The following MYO15B variants were observed in gnomAD, a reference collection of about 807,000 sequenced individuals.
MYO15B encodes the protein myosin XVB pseudogene.
Under a neutral mutation model 119.3 loss-of-function variants are expected in MYO15B, and 207 were observed. The observed-to-expected ratio is 1.73, with a 90% CI of 1.55 to 1.95. MYO15B has a LOEUF of 1.95. MYO15B is among the 30% of genes most tolerant of loss of function. The probability of loss-of-function intolerance (pLI) is 0.00; values close to 1 mark genes in which losing one functional copy is unlikely to be tolerated. For synonymous variants in MYO15B, 966 were observed against 498.9 expected (o/e 1.94, Z -12.48); for missense variants, 2,264 against 1,203.1 (o/e 1.88, Z -13.04).
Position 75,610,917 on chromosome 17 carries a change from C to A in MYO15B, c.4404C>A (p.Gly1468=), listed in dbSNP as rs563614474. The A allele has an allele frequency of 4.8e-4, 337 of 703,088 alleles. 3 individuals carry two copies. Among genetic ancestry groups the A allele is most frequent in the South Asian group, 4.6e-3 (314 of 67,606 alleles). 43.6% of individuals were successfully genotyped at this position (703,088 alleles called of 1,614,324 possible). The change falls in exon 23 of 64, where the codon GGC becomes GGA. Residue 1468 remains glycine (G), a synonymous_variant. Coordinates refer to ENST00000645453, the Ensembl canonical transcript of MYO15B. ...TCCAACAGCTTGGGCGTTGGCAGGG[C>A]TGGCATAGCAGCGAAAGGGCCTTGG... is the stretch of plus-strand genomic sequence containing the variant.
rs111994589 is a variant in MYO15B at position 75,597,242 on chromosome 17, A to C, written c.3525+343A>C. ...GAAGGGCTTCTGCAGGTCCCTCACA[A>C]TTGTGGCTAGGTGGCCACTGAGGCC... On this transcript the variant is annotated intron_variant, in intron 14 of 63. Transcript: ENST00000645453. Among the ~76,000 whole-genome samples the C allele has an allele frequency of 3.8e-3, 580 of 152,296 alleles. 2 individuals carry two copies. The highest frequency in any genetic ancestry group is 0.012 in the African/African-American group (508 of 41,566).
Position 75,616,380 on chromosome 17 carries a change from C to T in MYO15B, c.6178C>T (p.Gln2060Ter). ...GGTCCACATCCCCCAGGGGGAAGCG[C>T]AGGAGGAGGAGGAGGAGGAGGAGGA... Residue 2060 changes from glutamine to a stop codon, truncating the protein, a stop_gained, in exon 38 of 64, where the codon CAG (glutamine) becomes TAG (stop). Transcript: ENST00000645453. LOFTEE classifies it high-confidence loss of function. The T allele has an allele frequency of 1.6e-6, 1 of 609,890 alleles. No individual in the cohort carries two copies. Among genetic ancestry groups the T allele is most frequent in the South Asian group, 2.0e-5 (1 of 51,066 alleles). 37.8% of individuals were successfully genotyped at this position (609,890 alleles called of 1,614,324 possible).
intron 16 of MYO15B, 42 bp from the exon 17 acceptor site, chr17:75,602,788 C>A (rs2057368218): frequency 1.6e-6 from 1 of 607,906 alleles, no homozygotes; most frequent in Admixed American, 2.9e-5. Context: ...GGTGGATGGG[C>A]ACGCCCCAGC....
At chr17:75,626,643 C>T (rs1002180907) in exon 64 of MYO15B, 17 of 612,610 alleles carry the variant, frequency 2.8e-5, no homozygotes, top group African/African-American at 9.2e-5. Flanking sequence ...GCTGCTATCA[C>T]GTCACCAGCA....
exon 39 of MYO15B, chr17:75,616,531 CCCT>C (rs1049605193): frequency 4.3e-6 from 3 of 702,378 alleles, no homozygotes; most frequent in Non-Finnish European, 5.2e-6. Flanking sequence ...CAGTGCCGTC[CCCT>C]CCTCCTCCCC....
At chr17:75,620,067 G>A (rs1302332120) in intron 47 of MYO15B, 47 bp downstream of exon 47, 5 of 679,868 alleles carry the variant, frequency 7.4e-6, no homozygotes, top group Non-Finnish European at 1.3e-5. Flanking sequence ...AGCCCTCACC[G>A]ATGCTGCATC....
chr17:75,591,478 C>T lies in MYO15B; in HGVS notation c.2436-123C>T, dbSNP rs1212758837. The T allele has an allele frequency of 6.2e-6, 4 of 650,244 alleles. No homozygotes were observed. The African/African-American group carries it at 7.2e-5, about 12-fold the overall frequency. 40.3% of individuals were successfully genotyped at this position (650,244 alleles called of 1,614,324 possible). On this transcript the variant is annotated intron_variant, in intron 4 of 63. Coordinates refer to ENST00000645453, the Ensembl canonical transcript of MYO15B. ...TCTCCATGCCCTGGGACTATCTTTC[C>T]ACATTTATGGGGGTCTCTCCAGGCT...
chr17:75,624,628 T>C, exon 58 of MYO15B: 2 of 702,670 alleles, frequency 2.8e-6, no homozygotes, highest in Admixed American at 2.0e-5. Context: ...CTCTTCCTCA[T>C]CAAAGAGAAG....
Position 75,592,850 on chromosome 17 carries a change from C to T in MYO15B, c.2991+10C>T, listed in dbSNP as rs1208733534. On this transcript the variant is annotated intron_variant, in intron 9 of 63. Transcript: ENST00000645453. ...CTTCTCCTCCTCAGAGGTGGGCTTC[C>T]CCGTGGGCAGGGGCCATCTGGGGTG... 7 of 699,816 alleles carry T rather than the reference C, an allele frequency of 1.0e-5. No individual in the cohort carries two copies. Among genetic ancestry groups the T allele is most frequent in the African/African-American group, 1.7e-5 (1 of 57,194 alleles). 43.4% of individuals were successfully genotyped at this position (699,816 alleles called of 1,614,324 possible). A position where few individuals can be genotyped will look rare whatever the true frequency, so the allele number is the denominator to read the frequency against.
chr17:75,619,031 C>G, intron 43 of MYO15B, 112 bp from the exon 44 acceptor site: 2 of 667,930 alleles, frequency 3.0e-6, no homozygotes, highest in South Asian at 3.3e-5. Context: ...GCCATGGGGG[C>G]CAGGGCGCCC....
At chr17:75,588,094 G>A in exon 1 of MYO15B, 1 of 398,322 alleles carries the variant, frequency 2.5e-6, no homozygotes, top group Non-Finnish European at 4.4e-6. Flanking sequence ...CCAGCGCCTG[G>A]AGAGGCCCGG....
chr17:75,589,317 AAGCAAGGGGCGGGGC>A lies in MYO15B; in HGVS notation c.1261_1275del (p.Ser421_Gly425del). On this transcript the variant is annotated inframe_deletion, in exon 1 of 64. Coordinates refer to ENST00000645453, the Ensembl canonical transcript of MYO15B. This position sits in a 1 kb window ranked among gnomAD's most constrained non-coding sequence, Gnocchi z 4.2. ...ACGAGGGGCGGGGTCATGGGAGAGG[AAGCAAGGGGCGGGGC>A]CGCGGGAAAGCGGATGAAGGGCGGG... 2.7e-6 allele frequency: 1 copy of A among 367,800 alleles called. No homozygotes were observed. The highest frequency in any genetic ancestry group is 2.6e-5 in the African/African-American group (1 of 38,602). The allele number at this position is 367,800 out of a possible 1,614,324, so 22.8% of individuals were successfully genotyped here.
At chr17:75,626,629 A>G (rs2059084986) in exon 64 of MYO15B, 1 of 625,224 alleles carries the variant, frequency 1.6e-6, no homozygotes, top group Non-Finnish European at 2.9e-6. Context: ...GCCATGAGGC[A>G]GGGGCTGCTA....
At position 75,621,582 on chromosome 17, in the gene MYO15B, C is replaced by G. The variant is rs1407100032; in HGVS notation, c.8005+12C>G. The stretch of plus-strand genomic sequence containing the variant: ...AGCCAGCTTCCTGGGTGAGTGGCCA[C>G]AGGCATCCTGGGTCCCCATGTCTGC... On this transcript the variant is annotated intron_variant, in intron 52 of 63. Coordinates refer to ENST00000645453, the Ensembl canonical transcript of MYO15B. 1.6e-5 allele frequency: 11 copies of G among 700,218 alleles called. No individual in the cohort carries two copies. The highest frequency in any genetic ancestry group is 1.0e-4 in the African/African-American group (6 of 57,216). 43.4% of individuals were successfully genotyped at this position (700,218 alleles called of 1,614,324 possible). A position where few individuals can be genotyped will look rare whatever the true frequency, so the allele number is the denominator to read the frequency against.
chr17:75,609,176 C>T (rs2057844936), intron 21 of MYO15B, among the ~76,000 whole-genome samples: 1 of 151,762 alleles, frequency 6.6e-6, no homozygotes, highest in South Asian at 2.1e-4. Flanking sequence ...TGCACCCGAC[C>T]AGTGGTGTTA....
exon 60 of MYO15B, chr17:75,625,171 G>T: frequency 2.8e-6 from 2 of 702,528 alleles, no homozygotes; most frequent in Non-Finnish European, 5.2e-6. Context: ...CGCCAAGGCA[G>T]ACGCGCAGCT....
At chr17:75,618,280 G>C in intron 43 of MYO15B, 95 bp downstream of exon 43, 2 of 677,598 alleles carry the variant, frequency 3.0e-6, no homozygotes, top group Non-Finnish European at 5.5e-6. Context: ...ACACCACGTA[G>C]GGCATGTTGG....
At chr17:75,602,722 G>C in intron 16 of MYO15B, 108 bp from the exon 17 acceptor site, 2 of 605,192 alleles carry the variant, frequency 3.3e-6, no homozygotes, top group Non-Finnish European at 5.9e-6. Flanking sequence ...CATGGGCTGA[G>C]CTTGCCAGGG....
At chr17:75,625,188 G>C (rs1344896868) in exon 60 of MYO15B, 7 of 702,620 alleles carry the variant, frequency 1.0e-5, no homozygotes, top group Non-Finnish European at 1.6e-5. Flanking sequence ...AGCTCGCCAG[G>C]CTGGCCGCCC....
Sources: allele counts gnomAD v4.1 joint callset (sites outside exome capture counted in the v4.1 genomes callset), GRCh38; gene constraint gnomAD v4.1.1; non-coding constraint Gnocchi (gnomAD v3.1); transcripts MANE v1.5; gene names NCBI Gene and HGNC (gene_info 2026-07-23, HGNC 2026-07-21).